Variants in LAMC1 observed in about 807,000 individuals in gnomAD.
LAMC1 encodes the protein laminin subunit gamma 1.
Under a neutral mutation model 173.6 loss-of-function variants are expected in LAMC1, and 38 were observed. The ratio of observed to expected loss-of-function variants is 0.22; its 90% CI spans 0.17 to 0.29. The LOEUF (loss-of-function observed/expected upper bound fraction) is 0.29. Among genes scored for constraint, LAMC1 ranks in the 10% least tolerant of loss-of-function variants. The pLI is 1.00. For synonymous variants in LAMC1, 746 were observed against 749.1 expected (o/e 1.00, Z 0.07); for missense variants, 1,824 against 2,051.8 (o/e 0.89, Z 2.14).
intron 1 of LAMC1, among the ~76,000 whole-genome samples, chr1:183,027,236 G>A (rs1653713302): frequency 6.6e-6 from 1 of 151,966 alleles, no homozygotes; most frequent in Non-Finnish European, 1.5e-5. Flanking sequence ...AGTTGCTATG[G>A]GAACCAGAAT....
At chr1:183,135,205 ATTTT>A in intron 24 of LAMC1, 49 bp downstream of exon 24, 1 of 893,552 alleles carries the variant, frequency 1.1e-6, no homozygotes, top group Non-Finnish European at 1.7e-6. Context: ...CACTAGAGTG[ATTTT>A]TTTTTTTAAT....
chr1:183,032,703 T>C (rs1315470837), intron 1 of LAMC1, among the ~76,000 whole-genome samples: 7 of 152,126 alleles, frequency 4.6e-5, no homozygotes, highest in African/African-American at 1.7e-4. Context: ...TTTTTCTTTT[T>C]TTGAATTTGG....
intron 11 of LAMC1, among the ~76,000 whole-genome samples, chr1:183,119,877 A>C (rs960537085): frequency 1.3e-5 from 2 of 152,154 alleles, no homozygotes; most frequent in African/African-American, 4.8e-5. Flanking sequence ...GTTTTTAAGA[A>C]GTGTTAAAAC....
intron 26 of LAMC1, among the ~76,000 whole-genome samples, chr1:183,139,129 A>G (rs1558062234): frequency 6.6e-6 from 1 of 152,222 alleles, no homozygotes. Flanking sequence ...GATTGTAGAA[A>G]CATTAGATTT....
At chr1:183,126,446 C>T (rs1238141494) in intron 16 of LAMC1, among the ~76,000 whole-genome samples, 184 bp downstream of exon 16, 1 of 152,198 alleles carries the variant, frequency 6.6e-6, no homozygotes, top group Non-Finnish European at 1.5e-5. Flanking sequence ...AGATCAAAGC[C>T]TTCTCTGGTT....
In LAMC1 at chr1:183,125,409, A is replaced by G; in HGVS notation, c.2660A>G (p.Asn887Ser). The G allele has an allele frequency of 6.2e-7, 1 of 1,614,080 alleles. No homozygotes were observed. The highest frequency in any genetic ancestry group is 8.5e-7 in the Non-Finnish European group (1 of 1,179,990). ...CTTCCTGCCTTAGCCTGCAATTGCAATCTGTATGGGACCATGAAGCAGCAG... is the reference window on the plus strand; with the variant it reads ...CTTCCTGCCTTAGCCTGCAATTGCAGTCTGTATGGGACCATGAAGCAGCAG... ...PADKCKACNCNLYGTMKQQSS... is the reference protein window; with the variant it reads ...PADKCKACNCSLYGTMKQQSS... Residue 887 changes from asparagine (N) to serine (S), a missense_variant, in exon 15 of 28, where the codon AAT (asparagine) becomes AGT (serine). Transcript: ENST00000258341.
At chr1:183,127,161 CTGAA>C (rs1656642422) in intron 16 of LAMC1, 61 bp from the exon 17 acceptor site, 1 of 1,471,138 alleles carries the variant, frequency 6.8e-7, no homozygotes, top group Non-Finnish European at 9.3e-7. Context: ...TGTTATCAGT[CTGAA>C]TTAAGAGATA....
intron 1 of LAMC1, among the ~76,000 whole-genome samples, chr1:183,059,523 A>G (rs114546035): frequency 0.014 from 2,193 of 152,310 alleles, 63 homozygotes; most frequent in African/African-American, 0.05. Flanking sequence ...CTCTGGCCCA[A>G]TAATAAAAAT....
chr1:183,112,734 C>T (rs888273176), intron 4 of LAMC1, among the ~76,000 whole-genome samples: 4 of 151,968 alleles, frequency 2.6e-5, no homozygotes, highest in African/African-American at 9.7e-5. Context: ...GCTAGGGCGT[C>T]TTGAGGGAAG....
intron 2 of LAMC1, among the ~76,000 whole-genome samples, chr1:183,103,873 G>T (rs1045336295): frequency 4.6e-5 from 7 of 152,144 alleles, no homozygotes; most frequent in Non-Finnish European, 1.0e-4. Flanking sequence ...TCTATTCTGG[G>T]ATGTAAACTT....
At chr1:183,065,727 A>C (rs1654859901) in intron 1 of LAMC1, among the ~76,000 whole-genome samples, 1 of 152,200 alleles carries the variant, frequency 6.6e-6, no homozygotes, top group Non-Finnish European at 1.5e-5. Context: ...TTTAAAATTA[A>C]GTTTGATTCA....
chr1:183,117,450 A>G lies in LAMC1; in HGVS notation c.1687+8A>G, dbSNP rs1385516291. 1 of 1,612,434 alleles carries G rather than the reference A, an allele frequency of 6.2e-7. No homozygotes were observed. Among genetic ancestry groups the G allele is most frequent in the Admixed American group, 1.7e-5 (1 of 59,990 alleles). On this transcript the variant is annotated splice_region_variant and intron_variant, in intron 9 of 27. Transcript: ENST00000258341. ...GGTACTTCATTGCTCCTGGTAAGTA[A>G]GGCTAGAAAGCAGTCTGACCTGCTG...
intron 1 of LAMC1, among the ~76,000 whole-genome samples, chr1:183,051,459 A>G (rs1571409784): frequency 1.3e-5 from 2 of 152,222 alleles, no homozygotes; most frequent in East Asian, 1.9e-4. Context: ...ACTTCAGTCA[A>G]TACCGTGTGG....
In LAMC1 at chr1:183,103,466, A is replaced by G. The variant is rs773378039; in HGVS notation, c.557A>G (p.Tyr186Cys). Residue 186 changes from tyrosine (Y) to cysteine (C), a missense_variant, in exon 2 of 28, where the codon TAC (tyrosine) becomes TGC (cysteine). By Grantham distance (194) the Tyr-to-Cys change is radical. Coordinates refer to ENST00000258341, the MANE Select transcript of LAMC1 (RefSeq NM_002293.4). ...TACAGTGGTTCCTGTGAGAACACCT[A>G]CTCCAAGGCAAACCGCGGCTTCATC... Reference protein sequence around the residue: ...QYYSGSCENTYSKANRGFIRT... With the variant: ...QYYSGSCENTCSKANRGFIRT... The G allele has an allele frequency of 6.2e-7, 1 of 1,614,078 alleles. No homozygotes were observed. Among genetic ancestry groups the G allele is most frequent in the South Asian group, 1.1e-5 (1 of 91,074 alleles).
chr1:183,023,707 G>T lies in LAMC1; in HGVS notation c.-10G>T. 1 of 1,175,810 alleles carries T rather than the reference G, an allele frequency of 8.5e-7. No individual in the cohort carries two copies. Among genetic ancestry groups the T allele is most frequent in the South Asian group, 4.2e-5 (1 of 23,570 alleles). The allele number at this position is 1,175,810 out of a possible 1,614,324, so 72.8% of individuals were successfully genotyped here. ...TTGCCTTCGCCGTGACCCAGCGTGC[G>T]GGCGGCGGGATGAGAGGGAGCCATC... On this transcript the variant is annotated 5_prime_UTR_variant, in exon 1 of 28. Coordinates refer to ENST00000258341, the MANE Select transcript of LAMC1 (RefSeq NM_002293.4).
At position 183,122,153 on chromosome 1, in the gene LAMC1, C is replaced by G; in HGVS notation, c.2303C>G (p.Ser768Cys). The G allele has an allele frequency of 6.2e-7, 1 of 1,614,180 alleles. No individual in the cohort carries two copies. The highest frequency in any genetic ancestry group is 8.5e-7 in the Non-Finnish European group (1 of 1,180,022). Residue 768 changes from serine to cysteine, a missense_variant, in exon 13 of 28, where the codon TCC (serine) becomes TGC (cysteine). Transcript: ENST00000258341. The stretch of plus-strand genomic sequence containing the variant: ...GGAGATTCAACTGCAGGCACCTCCT[C>G]CGATTGCCAACCCTGTCCGTGTCCT... ...YYGDSTAGTS[S>C]DCQPCPCPGG...
At chr1:183,028,153 T>C (rs113497192) in intron 1 of LAMC1, among the ~76,000 whole-genome samples, 6,808 of 52,722 alleles carry the variant, frequency 0.13, 221 homozygotes, top group South Asian at 0.24. Context: ...AAGGCATTCC[T>C]CCCCCCCCCC....
chr1:183,062,304 G>C (rs1178662921), intron 1 of LAMC1, among the ~76,000 whole-genome samples: 1 of 152,142 alleles, frequency 6.6e-6, no homozygotes, highest in Non-Finnish European at 1.5e-5. Context: ...TTACAATGTG[G>C]AACTTTAATA....
chr1:183,025,189 G>T (rs1188061138), intron 1 of LAMC1, among the ~76,000 whole-genome samples: 2 of 152,182 alleles, frequency 1.3e-5, no homozygotes, highest in African/African-American at 4.8e-5. Flanking sequence ...TGTCAAGGGA[G>T]GGTAATTTTG....
Sources: allele counts gnomAD v4.1 joint callset (sites outside exome capture counted in the v4.1 genomes callset), GRCh38; gene constraint gnomAD v4.1.1; transcripts MANE v1.5; gene names NCBI Gene and HGNC (gene_info 2026-07-23, HGNC 2026-07-21).